The following EXOC2 variants were observed in gnomAD, a reference collection of about 807,000 sequenced individuals.
EXOC2 encodes exocyst complex component 2.
Under a neutral mutation model 131.8 loss-of-function variants are expected in EXOC2, and 70 were observed. The observed-to-expected ratio is 0.53, with a 90% CI of 0.44 to 0.65. EXOC2 has a LOEUF of 0.65. Ranked by LOEUF, EXOC2 falls within the 30% of genes least tolerant of loss-of-function variation. The pLI is 0.00. For synonymous variants in EXOC2, 411 were observed against 398.4 expected (o/e 1.03, Z -0.38); for missense variants, 923 against 1,108.6 (o/e 0.83, Z 2.38).
chr6:581,033 C>T (rs1411162937), intron 11 of EXOC2, among the ~76,000 whole-genome samples: 1 of 152,122 alleles, frequency 6.6e-6, no homozygotes, highest in Non-Finnish European at 1.5e-5. Flanking sequence ...GTGGCTCATG[C>T]CTGTAATCCC....
intron 13 of EXOC2, among the ~76,000 whole-genome samples, chr6:567,834 A>G (rs1295806868): frequency 1.3e-5 from 2 of 152,184 alleles, no homozygotes; most frequent in African/African-American, 4.8e-5. Context: ...AACTGCCCCA[A>G]ACGCTCTGGG....
At chr6:625,359 T>C (rs1000275457) in intron 4 of EXOC2, among the ~76,000 whole-genome samples, 1 of 152,230 alleles carries the variant, frequency 6.6e-6, no homozygotes, top group African/African-American at 2.4e-5. Context: ...GAACACACTT[T>C]CTTGATTTGG....
intron 1 of EXOC2, among the ~76,000 whole-genome samples, chr6:640,413 C>G (rs143908832): frequency 6.6e-6 from 1 of 152,196 alleles, no homozygotes; most frequent in African/African-American, 2.4e-5. Context: ...GGAAGAAAGA[C>G]AAACAAGAAA....
chr6:615,081 G>A (rs1225725105), intron 6 of EXOC2, among the ~76,000 whole-genome samples: 1 of 152,018 alleles, frequency 6.6e-6, no homozygotes, highest in African/African-American at 2.4e-5. Context: ...AAATTAGAAT[G>A]CAATGCTAAT....
intron 23 of EXOC2, among the ~76,000 whole-genome samples, chr6:521,079 C>T (rs62388783): frequency 0.04 from 1,341 of 33,662 alleles, 84 homozygotes; most frequent in South Asian, 0.072. Context: ...CCACCACCCA[C>T]CGAGCGCCGA....
intron 6 of EXOC2, among the ~76,000 whole-genome samples, chr6:616,602 C>CAAAAAAAAA (rs70985805): frequency 2.0e-4 from 14 of 69,488 alleles, no homozygotes; most frequent in South Asian, 6.3e-4. Context: ...AACTCCGTCT[C>CAAAAAAAAA]AAAAAAAAAA....
At chr6:670,959 A>C (rs953587097) in intron 1 of EXOC2, among the ~76,000 whole-genome samples, 1 of 150,608 alleles carries the variant, frequency 6.6e-6, no homozygotes, top group African/African-American at 2.4e-5. Flanking sequence ...GCACACCTGT[A>C]GTCCCAGCTA....
intron 23 of EXOC2, among the ~76,000 whole-genome samples, chr6:501,692 GAT>G (rs564377846): frequency 3.3e-4 from 39 of 118,158 alleles, no homozygotes; most frequent in Middle Eastern, 4.1e-3. Flanking sequence ...ATCTATAAAA[GAT>G]ATATATATCT....
At position 495,218 on chromosome 6, in the gene EXOC2, A is replaced by G. The variant is rs574522227; in HGVS notation, c.2559+2149T>C. ...TCGGCTCACTGCGAGCTCCACCTCC[A>G]GGGTTCACGCCATTCTCCTGCCTCA... On this transcript the variant is annotated intron_variant, in intron 25 of 27. Transcript: ENST00000230449. Among the ~76,000 whole-genome samples the G allele has an allele frequency of 9.2e-4, 136 of 148,128 alleles. 2 individuals are homozygous for G. The highest frequency in any genetic ancestry group is 3.2e-3 in the African/African-American group (126 of 39,970).
At chr6:547,315 T>C (rs528841418) in intron 22 of EXOC2, among the ~76,000 whole-genome samples, 1 of 152,216 alleles carries the variant, frequency 6.6e-6, no homozygotes, top group African/African-American at 2.4e-5. Flanking sequence ...TAAGTACCAG[T>C]AAGAAAGCAG....
chr6:583,632 C>T (rs971029546), intron 11 of EXOC2, among the ~76,000 whole-genome samples: 9 of 152,236 alleles, frequency 5.9e-5, no homozygotes, highest in Admixed American at 3.9e-4. Context: ...ACTTCTTCCA[C>T]TTCCCTCTCC....
intron 12 of EXOC2, among the ~76,000 whole-genome samples, chr6:576,180 T>C (rs1243091206): frequency 6.6e-6 from 1 of 152,234 alleles, no homozygotes; most frequent in Non-Finnish European, 1.5e-5. Context: ...AAATGGCTCC[T>C]GACTAGTGGC....
At chr6:502,750 G>A (rs1008065203) in intron 23 of EXOC2, among the ~76,000 whole-genome samples, 34 of 152,056 alleles carry the variant, frequency 2.2e-4, no homozygotes, top group African/African-American at 7.5e-4. Flanking sequence ...GCTCAAAGAC[G>A]TAACCTTGGA....
chr6:489,922 G>A (rs904516988), intron 26 of EXOC2, among the ~76,000 whole-genome samples: 11 of 152,246 alleles, frequency 7.2e-5, no homozygotes, highest in Admixed American at 1.3e-4. Flanking sequence ...ACCCGGTGCT[G>A]GGCATCTCCA....
intron 23 of EXOC2, among the ~76,000 whole-genome samples, chr6:516,224 G>C (rs1257130790): frequency 6.6e-6 from 1 of 152,192 alleles, no homozygotes; most frequent in Non-Finnish European, 1.5e-5. Context: ...TGTTCTAGCA[G>C]GCCATCTTTG....
rs369761754 is a variant in EXOC2, at chr6:686,464, TTCCC to T, written c.-44+6551_-44+6554del. 8.3e-4 allele frequency among the ~76,000 whole-genome samples: 127 copies of T among 152,314 alleles called. 5 individuals are homozygous for T. In the East Asian group the frequency reaches 0.024, roughly 28 times the overall value. ...TATTTTAGGAATGGGAATAAAGGCC[TTCCC>T]TCCCTCTACAATGTTTGGAGGTGAG... is the stretch of plus-strand genomic sequence containing the variant. On this transcript the variant is annotated intron_variant, in intron 1 of 27. Coordinates refer to ENST00000230449, the MANE Select transcript of EXOC2 (RefSeq NM_018303.6).
At chr6:629,995 G>T in intron 3 of EXOC2, 34 bp from the exon 4 acceptor site, 10 of 1,610,816 alleles carry the variant, frequency 6.2e-6, no homozygotes, top group Non-Finnish European at 8.5e-6. Context: ...TTAATAAGAT[G>T]AAGCCTACCC....
rs571435300 is a variant in EXOC2, at chr6:502,994, A to G, written c.2381-3294T>C. On this transcript the variant is annotated intron_variant, in intron 23 of 27. Coordinates refer to ENST00000230449, the MANE Select transcript of EXOC2 (RefSeq NM_018303.6). ...AAAGAGGCAGCATTCAACTGGATGC[A>G]TCGGAAAGGGCCGGAGTGAGGCGGA... is the stretch of plus-strand genomic sequence containing the variant. Among the ~76,000 whole-genome samples the G allele has an allele frequency of 2.8e-4, 42 of 152,348 alleles. 1 individual carries two copies. In the South Asian group the frequency reaches 6.8e-3, roughly 25 times the overall value.
intron 17 of EXOC2, 23 bp from the exon 18 acceptor site, chr6:556,587 T>A (rs1757431999): frequency 6.2e-7 from 1 of 1,613,382 alleles, no homozygotes; most frequent in Admixed American, 1.7e-5. Flanking sequence ...CAGCATATTG[T>A]AAAACTCAAA....
Sources: gnomAD v4.1 joint callset for allele counts (sites outside exome capture counted in the v4.1 genomes callset) on GRCh38, gnomAD v4.1.1 for gene constraint, MANE v1.5 for transcripts, NCBI Gene and HGNC (gene_info 2026-07-23, HGNC 2026-07-21) for gene names.